DAP: variants seen among roughly 807,000 people sequenced by gnomAD.
DAP encodes the protein death-associated protein 1.
In DAP, 8 loss-of-function variants were observed where a neutral mutation model predicts 13.8. The observed-to-expected ratio is 0.58, with a 90% CI of 0.34 to 1.05. The LOEUF is 1.05. DAP is among the 50% of genes least tolerant of loss of function. The pLI is 0.03. For synonymous variants in DAP, 47 were observed against 47.5 expected (o/e 0.99, Z 0.04); for missense variants, 106 against 133.2 (o/e 0.80, Z 1.01).
chr5:10,716,046 C>G (rs1264904491), intron 2 of DAP, among the ~76,000 whole-genome samples: 4 of 152,210 alleles, frequency 2.6e-5, no homozygotes, highest in Admixed American at 2.6e-4. Flanking sequence ...GGGCCCACCT[C>G]ATATTGGCAT....
chr5:10,746,532 G>A (rs572744889), intron 2 of DAP, among the ~76,000 whole-genome samples: 4 of 152,124 alleles, frequency 2.6e-5, no homozygotes, highest in South Asian at 2.1e-4. Context: ...GTTTCCCCAT[G>A]TTGGCCAGGC....
chr5:10,736,177 G>C (rs1739607179), intron 2 of DAP, among the ~76,000 whole-genome samples: 1 of 152,220 alleles, frequency 6.6e-6, no homozygotes, highest in African/African-American at 2.4e-5. Flanking sequence ...TGCAGAGGGA[G>C]TGTGGTCCTG....
intron 2 of DAP, among the ~76,000 whole-genome samples, chr5:10,720,400 G>C (rs1739106567): frequency 6.6e-6 from 1 of 152,184 alleles, no homozygotes; most frequent in Non-Finnish European, 1.5e-5. Context: ...TGGGGAAGAG[G>C]TATGTGGATG....
chr5:10,756,040 C>G (rs945941655), intron 1 of DAP, among the ~76,000 whole-genome samples: 1 of 152,174 alleles, frequency 6.6e-6, no homozygotes, highest in Non-Finnish European at 1.5e-5. Flanking sequence ...CCCAGCTACT[C>G]AGCACACTGA....
At chr5:10,712,929 G>C (rs951289354) in intron 2 of DAP, among the ~76,000 whole-genome samples, 1 of 152,146 alleles carries the variant, frequency 6.6e-6, no homozygotes, top group African/African-American at 2.4e-5. Context: ...CTATTGAAGT[G>C]GGGGAGGGAG....
chr5:10,714,483 A>G (rs1275661405), intron 2 of DAP, among the ~76,000 whole-genome samples: 2 of 152,250 alleles, frequency 1.3e-5, no homozygotes, highest in Non-Finnish European at 2.9e-5. Context: ...ATTTAAAGTA[A>G]TATTTTGATA....
rs561637756 is a variant in DAP at position 10,739,820 on chromosome 5, C to T, written c.152+8355G>A. ...ACACACACACACACACACACACACA[C>T]GAATGGGTTTGAACAGAAAAGGCAT... On this transcript the variant is annotated intron_variant, in intron 2 of 3. Coordinates refer to ENST00000230895, the MANE Select transcript of DAP (RefSeq NM_004394.3). Among the ~76,000 whole-genome samples, 412 of 145,516 alleles carry T rather than the reference C, an allele frequency of 2.8e-3. 8 individuals are homozygous for T. Among genetic ancestry groups the T allele is most frequent in the Non-Finnish European group, 7.4e-4 (49 of 66,514 alleles).
chr5:10,747,954 C>T (rs1290783125), intron 2 of DAP: 3 of 461,604 alleles, frequency 6.5e-6, no homozygotes, highest in South Asian at 2.3e-5. Flanking sequence ...ACAGGGTGGG[C>T]GCGTGGCAAC....
Position 10,681,183 on chromosome 5 carries a change from C to T in DAP, c.196-14G>A, listed in dbSNP as rs367735191. ...ATCTTTGTCACCCTGTCAGGAAACA[C>T]GGAAAGCTCAGGTTAATCAATAGGA... On this transcript the variant is annotated splice_polypyrimidine_tract_variant and intron_variant, in intron 3 of 3. Transcript: ENST00000230895. The T allele has an allele frequency of 9.3e-5, 138 of 1,482,208 alleles. No individual in the cohort carries two copies. Among genetic ancestry groups the T allele is most frequent in the Non-Finnish European group, 1.1e-4 (123 of 1,116,090 alleles). 91.8% of individuals were successfully genotyped at this position (1,482,208 alleles called of 1,614,324 possible). A position where few individuals can be genotyped will look rare whatever the true frequency, so the allele number is the denominator to read the frequency against.
intron 2 of DAP, among the ~76,000 whole-genome samples, chr5:10,699,112 C>T (rs748966285): frequency 1.3e-5 from 2 of 152,148 alleles, no homozygotes; most frequent in African/African-American, 4.8e-5. Flanking sequence ...CAAATCTGGA[C>T]CCAGTGAGCC....
intron 1 of DAP, among the ~76,000 whole-genome samples, chr5:10,759,349 C>A (rs1447921322): frequency 6.6e-6 from 1 of 152,014 alleles, no homozygotes; most frequent in Non-Finnish European, 1.5e-5. Context: ...CAGCCCTGCC[C>A]GGGGTGGAAA....
At chr5:10,718,581 C>T (rs1418132988) in intron 2 of DAP, among the ~76,000 whole-genome samples, 1 of 152,140 alleles carries the variant, frequency 6.6e-6, no homozygotes, top group Non-Finnish European at 1.5e-5. Context: ...CCCTGTTCAA[C>T]TCTCCCATTT....
chr5:10,680,448 C>T lies in DAP; in HGVS notation c.*608G>A, dbSNP rs2126630546. On this transcript the variant is annotated 3_prime_UTR_variant, in exon 4 of 4. Coordinates refer to ENST00000230895, the MANE Select transcript of DAP (RefSeq NM_004394.3). ...AGCCTCATTCTTTGGCATGTTGACT[C>T]CTGGAATTGAGGGGCTATTTCTAAG... is the stretch of plus-strand genomic sequence containing the variant. 1 of 458,300 alleles carries T rather than the reference C, an allele frequency of 2.2e-6. No homozygotes were observed. Among genetic ancestry groups the T allele is most frequent in the Non-Finnish European group, 3.9e-6 (1 of 258,010 alleles). The allele number at this position is 458,300 out of a possible 1,614,324, so 28.4% of individuals were successfully genotyped here.
chr5:10,748,858 T>C, intron 1 of DAP, among the ~76,000 whole-genome samples: 1 of 152,242 alleles, frequency 6.6e-6, no homozygotes, highest in East Asian at 1.9e-4. Flanking sequence ...AGAATACAAT[T>C]CATTCATTTA....
In DAP at chr5:10,752,411, T is replaced by C. The variant is rs1365134966; in HGVS notation, c.56-4140A>G. The stretch of plus-strand genomic sequence containing the variant: ...ATCACTGTCTCTAGAACTCTTCATT[T>C]GTAAAACTACAAAAGAAGAATTACT... On this transcript the variant is annotated intron_variant, in intron 1 of 3. Coordinates refer to ENST00000230895, the MANE Select transcript of DAP (RefSeq NM_004394.3). 2.6e-5 allele frequency among the ~76,000 whole-genome samples: 4 copies of C among 152,264 alleles called. No individual in the cohort carries two copies. The East Asian group carries it at 5.8e-4, about 22-fold the overall frequency.
intron 1 of DAP, among the ~76,000 whole-genome samples, chr5:10,756,290 T>TAG (rs1740179599): frequency 8.1e-6 from 1 of 123,586 alleles, no homozygotes; most frequent in Admixed American, 7.9e-5. Context: ...CCATTCAATT[T>TAG]CTGGTCCTGA....
At chr5:10,684,457 AC>A (rs1282385697) in intron 2 of DAP, among the ~76,000 whole-genome samples, 4 of 152,218 alleles carry the variant, frequency 2.6e-5, no homozygotes, top group Admixed American at 2.6e-4. Context: ...TGGATGCAGT[AC>A]CAAAGCAGTA....
chr5:10,685,366 G>A (rs571336313), intron 2 of DAP, among the ~76,000 whole-genome samples: 2 of 115,602 alleles, frequency 1.7e-5, no homozygotes, highest in South Asian at 3.2e-4. Context: ...GTCCCGCCAC[G>A]TGGTATAACT....
At chr5:10,698,564 C>T (rs754015859) in intron 2 of DAP, among the ~76,000 whole-genome samples, 30 of 152,206 alleles carry the variant, frequency 2.0e-4, no homozygotes, top group Non-Finnish European at 4.1e-4. Flanking sequence ...TCTTCACTCA[C>T]TCCCTGATAT....
Sources: allele counts gnomAD v4.1 joint callset (sites outside exome capture counted in the v4.1 genomes callset), GRCh38; gene constraint gnomAD v4.1.1; transcripts MANE v1.5; gene names NCBI Gene and HGNC (gene_info 2026-07-23, HGNC 2026-07-21).